Variants in PRICKLE2 observed in about 807,000 individuals in gnomAD.
PRICKLE2 encodes prickle-like protein 2.
A neutral mutation model predicts 81.4 loss-of-function variants in PRICKLE2; 21 were observed. The observed-to-expected ratio is 0.26, with a 90% CI of 0.18 to 0.37. PRICKLE2 has a LOEUF of 0.37. Among genes scored for constraint, PRICKLE2 ranks in the 10% least tolerant of loss-of-function variants. PRICKLE2 has a pLI of 1.00. For synonymous variants in PRICKLE2, 456 were observed against 421.5 expected, an observed-to-expected ratio of 1.08 and a Z score of -1.00; for missense variants, 940 against 1,109.0, an observed-to-expected ratio of 0.85 and a Z score of 2.16.
At chr3:64,188,798 T>C (rs2107095198) in intron 2 of PRICKLE2, among the ~76,000 whole-genome samples, 1 of 152,362 alleles carries the variant, frequency 6.6e-6, no homozygotes, top group South Asian at 2.1e-4. Flanking sequence ...TGCTTTCACA[T>C]TACAACATCA....
chr3:64,148,767 G>T (rs1399801798), intron 6 of PRICKLE2, among the ~76,000 whole-genome samples: 1 of 152,154 alleles, frequency 6.6e-6, no homozygotes, highest in Non-Finnish European at 1.5e-5. Context: ...CTGCCAGAAA[G>T]TATCATCCAG....
intron 7 of PRICKLE2, among the ~76,000 whole-genome samples, chr3:64,141,112 T>C (rs1021745783): frequency 1.3e-5 from 2 of 152,234 alleles, no homozygotes; most frequent in Non-Finnish European, 2.9e-5. Context: ...GCATTCTACA[T>C]GAAGCCATTA....
chr3:64,136,292 T>A (rs568039791), intron 7 of PRICKLE2, among the ~76,000 whole-genome samples: 3 of 152,004 alleles, frequency 2.0e-5, no homozygotes, highest in East Asian at 1.9e-4. Context: ...CTCACCCATA[T>A]GTAAGACGAA....
rs141071623 is a variant in PRICKLE2, at chr3:64,248,361, T to G, written c.129-49394A>C. On this transcript the variant is annotated intron_variant, in intron 2 of 8. Coordinates refer to the PRICKLE2 transcript ENST00000295902. ...CCAGTCAACTCAAAGGGAAATTGAC[T>G]CCTTTCCCCAATAAGTTTCCAATGA... 1.2e-4 allele frequency among the ~76,000 whole-genome samples: 18 copies of G among 152,316 alleles called. No homozygotes were observed. In the East Asian group the frequency reaches 3.1e-3, roughly 26 times the overall value.
At chr3:64,152,607 C>T in intron 6 of PRICKLE2, among the ~76,000 whole-genome samples, 1 of 151,404 alleles carries the variant, frequency 6.6e-6, no homozygotes, top group East Asian at 2.0e-4. Flanking sequence ...CCTTGACAAT[C>T]CCTCTCCACC....
chr3:64,245,668 G>A (rs1190251450), intron 2 of PRICKLE2, among the ~76,000 whole-genome samples: 3 of 152,130 alleles, frequency 2.0e-5, no homozygotes, highest in African/African-American at 7.2e-5. Context: ...GCATGGGGGA[G>A]GATTCCTCTT....
intron 5 of PRICKLE2, chr3:64,153,767 T>C (rs2077582688): frequency 4.1e-6 from 1 of 243,098 alleles, no homozygotes; most frequent in African/African-American, 2.3e-5. Context: ...TCCTGGTTTA[T>C]CTTTTGAAAA....
chr3:64,225,481 C>T (rs538518577), upstream of PRICKLE2: 24 of 983,972 alleles, frequency 2.4e-5, no homozygotes, highest in Non-Finnish European at 2.8e-5. Flanking sequence ...GCATCCTCCG[C>T]ATGCTAATGA....
intron 7 of PRICKLE2, among the ~76,000 whole-genome samples, chr3:64,144,648 C>T (rs2077415835): frequency 1.3e-5 from 2 of 152,218 alleles, no homozygotes; most frequent in Admixed American, 1.3e-4. Flanking sequence ...ATATACTTAG[C>T]ACATCTTAGA....
At chr3:64,248,930 A>G (rs1432088929) in intron 2 of PRICKLE2, among the ~76,000 whole-genome samples, 1 of 152,186 alleles carries the variant, frequency 6.6e-6, no homozygotes, top group East Asian at 1.9e-4. Flanking sequence ...CCAAAGCTGT[A>G]ATTTAAGGCT....
intron 7 of PRICKLE2, among the ~76,000 whole-genome samples, chr3:64,110,681 A>T (rs1056326523): frequency 1.3e-5 from 2 of 152,136 alleles, no homozygotes; most frequent in Non-Finnish European, 2.9e-5. Context: ...TTCCAGGCAG[A>T]GGGAGCAAGA....
intron 7 of PRICKLE2, among the ~76,000 whole-genome samples, chr3:64,117,035 T>C (rs1275918680): frequency 5.3e-5 from 8 of 152,106 alleles, no homozygotes; most frequent in Non-Finnish European, 1.2e-4. Context: ...TGGGAACAAG[T>C]TTGATTCATC....
At chr3:64,218,055 A>G (rs1575679337) in intron 1 of PRICKLE2, among the ~76,000 whole-genome samples, 1 of 152,216 alleles carries the variant, frequency 6.6e-6, no homozygotes, top group Non-Finnish European at 1.5e-5. Flanking sequence ...AGGCAGAAAA[A>G]GTATCTGTCA....
chr3:64,105,347 C>T (rs2106944708), intron 7 of PRICKLE2, among the ~76,000 whole-genome samples: 1 of 152,288 alleles, frequency 6.6e-6, no homozygotes, highest in Middle Eastern at 3.4e-3. Flanking sequence ...CCCTGGGAGC[C>T]AGGATCTTCT....
chr3:64,232,452 A>T (rs1385195558), intron 2 of PRICKLE2, among the ~76,000 whole-genome samples: 1 of 152,166 alleles, frequency 6.6e-6, no homozygotes, highest in Non-Finnish European at 1.5e-5. Context: ...TGTGAGTGGG[A>T]AAGGAAAGGA....
intron 2 of PRICKLE2, among the ~76,000 whole-genome samples, chr3:64,265,604 A>G (rs568147694): frequency 2.6e-5 from 4 of 152,196 alleles, no homozygotes; most frequent in African/African-American, 9.7e-5. Context: ...AGCAGCACGC[A>G]TGTCCCTCAG....
At chr3:64,181,556 C>G (rs2107081204) in intron 2 of PRICKLE2, among the ~76,000 whole-genome samples, 1 of 152,134 alleles carries the variant, frequency 6.6e-6, no homozygotes, top group Non-Finnish European at 1.5e-5. Flanking sequence ...TTTAGTTATT[C>G]TACTGACAGC....
Position 64,162,999 on chromosome 3 carries a change from C to T in PRICKLE2, c.258+17G>A. ...GGCACTAAGAAAATTCTGCATAAGC[C>T]CCCTCTAGCCCCTTACCTCATTGTC... On this transcript the variant is annotated intron_variant, in intron 3 of 7. Transcript: ENST00000638394. 6.6e-7 allele frequency: 1 copy of T among 1,514,432 alleles called. No homozygotes were observed. The highest frequency in any genetic ancestry group is 9.2e-7 in the Non-Finnish European group (1 of 1,088,942). The allele number at this position is 1,514,432 out of a possible 1,614,324, so 93.8% of individuals were successfully genotyped here. A position where few individuals can be genotyped will look rare whatever the true frequency, so the allele number is the denominator to read the frequency against.
At chr3:64,240,766 C>T (rs939745518) in intron 2 of PRICKLE2, among the ~76,000 whole-genome samples, 1 of 152,218 alleles carries the variant, frequency 6.6e-6, no homozygotes, top group Non-Finnish European at 1.5e-5. Flanking sequence ...CCTACAGAAT[C>T]TGTAACTCTG....
Sources: gnomAD v4.1 joint callset for allele counts (sites outside exome capture counted in the v4.1 genomes callset) on GRCh38, gnomAD v4.1.1 for gene constraint, MANE v1.5 for transcripts, NCBI Gene and HGNC (gene_info 2026-07-23, HGNC 2026-07-21) for gene names.